Variants in GYS1 observed in about 807,000 individuals in gnomAD.
GYS1 encodes the protein glycogen [starch] synthase, muscle.
In GYS1, 60 loss-of-function variants were observed where a neutral mutation model predicts 89.1. That is an observed-to-expected ratio of 0.67 (90% CI 0.55 to 0.84). The LOEUF is 0.84. Ranked by LOEUF, GYS1 falls within the 40% of genes least tolerant of loss-of-function variation. The pLI is 0.00. For missense variants in GYS1, 888 were observed against 1,003.1 expected, an observed-to-expected ratio of 0.89 and a Z score of 1.55; for synonymous variants, 366 against 401.7, an observed-to-expected ratio of 0.91 and a Z score of 1.06.
chr19:48,975,233 ATTTT>A lies in GYS1; in HGVS notation c.1309-504_1309-501del, dbSNP rs554660546. On this transcript the variant is annotated intron_variant, in intron 10 of 15. Coordinates refer to ENST00000323798, the MANE Select transcript of GYS1 (RefSeq NM_002103.5). The stretch of plus-strand genomic sequence containing the variant: ...GGCGTGAGCCATTGCGCTCAGCCTA[ATTTT>A]TTTTTTTTTTTTTTTTAATAGAGAT... Among the ~76,000 whole-genome samples the A allele has an allele frequency of 2.3e-3, 312 of 134,830 alleles. 3 individuals carry two copies. The highest frequency in any genetic ancestry group is 6.8e-3 in the African/African-American group (249 of 36,566). 88.5% of individuals were successfully genotyped at this position (134,830 alleles called of 152,430 possible). A position where few individuals can be genotyped will look rare whatever the true frequency, so the allele number is the denominator to read the frequency against.
In GYS1 at chr19:48,969,445, C is replaced by T. The variant is rs1049444314; in HGVS notation, c.2057G>A (p.Arg686His). Residue 686 changes from arginine to histidine, a missense_variant, in exon 16 of 16, where the codon CGC becomes CAC. Coordinates refer to ENST00000323798, the MANE Select transcript of GYS1 (RefSeq NM_002103.5). ...DEDEEAAKDR[R>H]NIRAPEWPRR... ...CGGCCACTCTGGTGCACGGATGTTGCGCCGGTCCTTGGCGGCCTCCTCGTC... is the reference window on the plus strand; with the variant it reads ...CGGCCACTCTGGTGCACGGATGTTGTGCCGGTCCTTGGCGGCCTCCTCGTC... 2 of 1,545,268 alleles carry T rather than the reference C, an allele frequency of 1.3e-6. No homozygotes were observed. Among genetic ancestry groups the T allele is most frequent in the Non-Finnish European group, 8.7e-7 (1 of 1,147,412 alleles).
In GYS1 at chr19:48,991,450, G is replaced by A. The variant is rs780821674; in HGVS notation, c.152C>T (p.Ala51Val). 8 of 1,613,930 alleles carry A rather than the reference G, an allele frequency of 5.0e-6. No homozygotes were observed. The highest frequency in any genetic ancestry group is 4.0e-5 in the African/African-American group (3 of 74,924). ...GGIYTVLQTK[A>V]KVTGDEWGDN... ...GCCCCATTCGTCCCCTGTCACCTTC[G>A]CCTTCGTCTGCAGCACCGTGTAGAT... The change falls in exon 2 of 16, where the codon GCG (alanine) becomes GTG (valine). Residue 51 changes from alanine to valine, a missense_variant. Transcript: ENST00000323798. The surrounding 1 kb of genome is among the most constrained non-coding windows in gnomAD (Gnocchi z 4.7).
intron 1 of GYS1, 22 bp downstream of exon 1, chr19:48,992,973 C>T (rs529532057): frequency 2.2e-6 from 3 of 1,370,774 alleles, no homozygotes; most frequent in Admixed American, 3.3e-5. Context: ...TCGTCAAGGG[C>T]CCCGACGCCT....
chr19:48,973,376 T>G (rs1341279575), intron 12 of GYS1, among the ~76,000 whole-genome samples: 1 of 151,994 alleles, frequency 6.6e-6, no homozygotes, highest in African/African-American at 2.4e-5. Flanking sequence ...TCTATCAATC[T>G]ATCTATAAAA....
chr19:48,982,312 G>C lies in GYS1; in HGVS notation c.1005C>G (p.Ser335=). The C allele has an allele frequency of 6.2e-7, 1 of 1,613,774 alleles. No individual in the cohort carries two copies. The highest frequency in any genetic ancestry group is 1.1e-5 in the South Asian group (1 of 91,070). The change falls in exon 7 of 16, where the codon TCC becomes TCG. Residue 335 remains serine, a synonymous_variant. Coordinates refer to ENST00000323798, the MANE Select transcript of GYS1 (RefSeq NM_002103.5). ...CCAGGAAGACGTCAGCACCCTTGTTGGAGAACTCATAGCGGCCGGCGATAA... is the reference window on the plus strand; with the variant it reads ...CCAGGAAGACGTCAGCACCCTTGTTCGAGAACTCATAGCGGCCGGCGATAA... The part of the protein sequence containing the change: ...YFFIAGRYEF[S]NKGADVFLEA...
rs778098809 is a variant in GYS1 at position 48,969,168 on chromosome 19, G to A, written c.*120C>T. ...GGGTGGAGTGTTTGGCGGACTGGGT[G>A]GGGGCACTGCGGGGCCACACCCAGT... On this transcript the variant is annotated 3_prime_UTR_variant, in exon 16 of 16. Coordinates refer to ENST00000323798, the MANE Select transcript of GYS1 (RefSeq NM_002103.5). 1.7e-5 allele frequency: 15 copies of A among 866,972 alleles called. No individual in the cohort carries two copies. The highest frequency in any genetic ancestry group is 3.5e-4 in the Middle Eastern group (1 of 2,850). The allele number at this position is 866,972 out of a possible 1,614,324, so 53.7% of individuals were successfully genotyped here.
chr19:48,983,921 G>C (rs1233713472), intron 5 of GYS1, among the ~76,000 whole-genome samples: 1 of 152,160 alleles, frequency 6.6e-6, no homozygotes, highest in African/African-American at 2.4e-5. Context: ...ACAGCCTTCT[G>C]GGAGCTGTAG....
Position 48,985,924 on chromosome 19 carries a change from A to C in GYS1, c.604T>G (p.Phe202Val). 6.2e-7 allele frequency: 1 copy of C among 1,614,172 alleles called. No individual in the cohort carries two copies. Among genetic ancestry groups the C allele is most frequent in the Non-Finnish European group, 8.5e-7 (1 of 1,180,046 alleles). The change falls in exon 4 of 16, where the codon TTC becomes GTC. Residue 202 changes from phenylalanine to valine, a missense_variant. By Grantham distance (50) the Phe-to-Val change is conservative. Transcript: ENST00000323798. ...CCCAGCAGCGTGGCATGGGTGGTGA[A>C]GATGGTTGCTACAGGCAGTCGCCGG... ...RARRLPVATI[F>V]TTHATLLGRY...
chr19:48,970,492 C>T (rs2122459707), intron 14 of GYS1, 54 bp downstream of exon 14: 1 of 1,499,250 alleles, frequency 6.7e-7, no homozygotes, highest in African/African-American at 1.4e-5. Flanking sequence ...ACCAAAGACC[C>T]CTAGCCAGGA....
Position 48,981,563 on chromosome 19 carries a change from G to T in GYS1, c.1136C>A (p.Thr379Asn). The change falls in exon 8 of 16, where the codon ACC becomes AAC. Residue 379 changes from threonine to asparagine, a missense_variant. Transcript: ENST00000323798. ...TTTGCGCACAGCTTGGCCTTTGAGG[G>T]TTTCCACGTTGAAATTGTTGGTCCG... ...PARTNNFNVETLKGQAVRKQL... is the reference protein window; with the variant it reads ...PARTNNFNVENLKGQAVRKQL... 1 of 1,613,148 alleles carries T rather than the reference G, an allele frequency of 6.2e-7. No homozygotes were observed. The highest frequency in any genetic ancestry group is 8.5e-7 in the Non-Finnish European group (1 of 1,179,120).
chr19:48,991,302 C>T lies in GYS1; in HGVS notation c.300G>A (p.Lys100=), dbSNP rs886054572. The change falls in exon 2 of 16, where the codon AAG becomes AAA. Residue 100 remains lysine (K), a splice_region_variant and synonymous_variant. Coordinates refer to ENST00000323798, the MANE Select transcript of GYS1 (RefSeq NM_002103.5). The surrounding 1 kb of genome is among the most constrained non-coding windows in gnomAD (Gnocchi z 4.7). The part of the protein sequence containing the change: ...TLDSMNSKGC[K]VYFGRWLIEG... ...TGCCCTGGGCTGGGCCACGTCCCAC[C>T]TTGCAGCCCTTGCTGTTCATGGAAT... The T allele has an allele frequency of 1.2e-6, 2 of 1,613,684 alleles. No individual in the cohort carries two copies. The highest frequency in any genetic ancestry group is 1.7e-6 in the Non-Finnish European group (2 of 1,180,010).
Position 48,969,578 on chromosome 19 carries a change from C to A in GYS1, c.1924G>T (p.Val642Leu). ...QGYRYPRPASVPPSPSLSRHS... is the reference protein window; with the variant it reads ...QGYRYPRPASLPPSPSLSRHS... ...CGTGACAGCGAGGGCGACGGTGGCACCGAGGCTGGCCGTGGGTAGCGGTAC... is the reference window on the plus strand; with the variant it reads ...CGTGACAGCGAGGGCGACGGTGGCAACGAGGCTGGCCGTGGGTAGCGGTAC... The change falls in exon 16 of 16, where the codon GTG becomes TTG. Residue 642 changes from valine to leucine, a missense_variant. Coordinates refer to ENST00000323798, the MANE Select transcript of GYS1 (RefSeq NM_002103.5). The A allele has an allele frequency of 6.5e-7, 1 of 1,538,166 alleles. No homozygotes were observed. The highest frequency in any genetic ancestry group is 2.4e-5 in the East Asian group (1 of 40,914).
At chr19:48,978,076 G>C in intron 9 of GYS1, 22 bp downstream of exon 9, 1 of 1,612,162 alleles carries the variant, frequency 6.2e-7, no homozygotes, top group Middle Eastern at 1.7e-4. Context: ...GGAGGGCACA[G>C]GGCTGAGGGT....
intron 2 of GYS1, 63 bp from the exon 3 acceptor site, chr19:48,987,448 A>C: frequency 7.6e-7 from 1 of 1,309,338 alleles, no homozygotes; most frequent in Non-Finnish European, 1.0e-6. Flanking sequence ...ATCTTCACTC[A>C]TCCGTGGTTC....
intron 14 of GYS1, chr19:48,970,223 C>T: frequency 2.3e-6 from 1 of 441,786 alleles, no homozygotes; most frequent in Non-Finnish European, 4.1e-6. Context: ...CTCCGGGGCT[C>T]AAGCGACCCT....
At chr19:48,990,011 G>GGC (rs1001437173) in intron 2 of GYS1, among the ~76,000 whole-genome samples, 5 of 150,564 alleles carry the variant, frequency 3.3e-5, no homozygotes, top group Admixed American at 1.3e-4. Flanking sequence ...GGGGGGGGGG[G>GGC]GGCTATTCTT....
rs371721154 is a variant in GYS1, at chr19:48,985,883, G to A, written c.645C>T (p.Ala215=). 36 of 1,613,744 alleles carry A rather than the reference G, an allele frequency of 2.2e-5. No individual in the cohort carries two copies. Among genetic ancestry groups the A allele is most frequent in the Admixed American group, 8.3e-5 (5 of 60,000 alleles). Residue 215 remains alanine (A), a synonymous_variant, in exon 4 of 16, where the codon GCC becomes GCT. Coordinates refer to ENST00000323798, the MANE Select transcript of GYS1 (RefSeq NM_002103.5). The part of the protein sequence containing the change: ...HATLLGRYLC[A]GAVDFYNNLE... ...GGTTGTTGTAGAAGTCCACGGCACC[G>A]GCACACAGGTAGCGCCCCAGCAGCG...
intron 10 of GYS1, among the ~76,000 whole-genome samples, chr19:48,976,598 G>C (rs1265505575): frequency 6.6e-6 from 1 of 152,078 alleles, no homozygotes; most frequent in East Asian, 1.9e-4. Flanking sequence ...GAGAATGCTG[G>C]GTGCTTTTGC....
intron 7 of GYS1, 75 bp from the exon 8 acceptor site, chr19:48,981,711 A>C: frequency 3.3e-6 from 3 of 906,246 alleles, no homozygotes; most frequent in East Asian, 2.4e-5. Context: ...TTCTGTCAAG[A>C]CCACTGGGAT....
Sources: allele counts gnomAD v4.1 joint callset (sites outside exome capture counted in the v4.1 genomes callset), GRCh38; gene constraint gnomAD v4.1.1; non-coding constraint Gnocchi (gnomAD v3.1); transcripts MANE v1.5; gene names NCBI Gene and HGNC (gene_info 2026-07-23, HGNC 2026-07-21).